Variants in F13A1 observed in about 807,000 individuals in gnomAD.
The protein encoded by F13A1 is coagulation factor XIII A chain.
Under a neutral mutation model 80.1 loss-of-function variants are expected in F13A1, and 47 were observed. The observed-to-expected ratio is 0.59, with a 90% CI of 0.46 to 0.75. The LOEUF (loss-of-function observed/expected upper bound fraction) is 0.75. Ranked by LOEUF, F13A1 falls within the 30% of genes least tolerant of loss-of-function variation. The pLI is 0.00. For missense variants in F13A1, 817 were observed against 930.4 expected, an observed-to-expected ratio of 0.88 and a Z score of 1.59; for synonymous variants, 349 against 344.9, an observed-to-expected ratio of 1.01 and a Z score of -0.13.
intron 3 of F13A1, among the ~76,000 whole-genome samples, chr6:6,271,758 G>C (rs974659679): frequency 7.9e-5 from 12 of 152,290 alleles, no homozygotes; most frequent in African/African-American, 2.9e-4. Context: ...TTCAGTGCTT[G>C]CTTCCATTTG....
In F13A1 at chr6:6,248,556, T is replaced by C. The variant is rs78737606; in HGVS notation, c.691-137A>G. The C allele has an allele frequency of 1.6e-3, 1,098 of 701,978 alleles. 10 individuals carry two copies. The African/African-American group carries it at 0.017, about 11-fold the overall frequency. 43.5% of individuals were successfully genotyped at this position (701,978 alleles called of 1,614,324 possible). A position where few individuals can be genotyped will look rare whatever the true frequency, so the allele number is the denominator to read the frequency against. On this transcript the variant is annotated intron_variant, in intron 5 of 14. Coordinates refer to ENST00000264870, the MANE Select transcript of F13A1 (RefSeq NM_000129.4). ...CTGTATAGTGATCTCCCATAATCTT[T>C]AGTATGAAATATTAAAGTAGAAGGA... is the stretch of plus-strand genomic sequence containing the variant.
At chr6:6,313,887 A>T (rs1758642355) in intron 2 of F13A1, among the ~76,000 whole-genome samples, 1 of 151,692 alleles carries the variant, frequency 6.6e-6, no homozygotes, top group Non-Finnish European at 1.5e-5. Flanking sequence ...TGAGCCCCAT[A>T]CCTCCAGGGG....
intron 3 of F13A1, among the ~76,000 whole-genome samples, chr6:6,290,526 A>G (rs1024353626): frequency 6.6e-6 from 1 of 152,198 alleles, no homozygotes; most frequent in Admixed American, 6.5e-5. Context: ...TTTTTTGACT[A>G]CGTGTCTACT....
chr6:6,258,250 C>T lies in F13A1; in HGVS notation c.572-7321G>A, dbSNP rs527893759. On this transcript the variant is annotated intron_variant, in intron 4 of 14. Coordinates refer to ENST00000264870, the MANE Select transcript of F13A1 (RefSeq NM_000129.4). Reference sequence around the variant, plus strand: ...ACTTTGAGAAATGCACGTAACATCACAGAACCTGCTTTCTCTCTTGAAATC... The same window carrying T: ...ACTTTGAGAAATGCACGTAACATCATAGAACCTGCTTTCTCTCTTGAAATC... Among the ~76,000 whole-genome samples, 7 of 152,290 alleles carry T rather than the reference C, an allele frequency of 4.6e-5. No homozygotes were observed. The South Asian group carries it at 1.2e-3, about 27-fold the overall frequency.
chr6:6,250,827 C>T lies in F13A1; in HGVS notation c.674G>A (p.Ser225Asn). 2 of 1,609,956 alleles carry T rather than the reference C, an allele frequency of 1.2e-6. No homozygotes were observed. Among genetic ancestry groups the T allele is most frequent in the South Asian group, 1.1e-5 (1 of 91,002 alleles). Residue 225 changes from serine to asparagine, a missense_variant, in exon 5 of 15, where the codon AGC becomes AAC. Physicochemically the swap from Ser to Asn is conservative, Grantham distance 46 (BLOSUM62 1). Coordinates refer to ENST00000264870, the MANE Select transcript of F13A1 (RefSeq NM_000129.4). This position sits in a 1 kb window ranked among gnomAD's most constrained non-coding sequence, Gnocchi z 4.2. The part of the protein sequence containing the change: ...YGEVNDIKTR[S>N]WSYGQFEDGI... ...GTGGCTCACCTGACCATAGCTCCAG[C>T]TTCTGGTCTTGATGTCATTGACCTC...
chr6:6,222,465 C>T (rs999712392), intron 7 of F13A1, among the ~76,000 whole-genome samples: 5 of 152,218 alleles, frequency 3.3e-5, no homozygotes, highest in East Asian at 3.9e-4. Context: ...TGATCATCAA[C>T]GTAGTATTAT....
Position 6,144,115 on chromosome 6 carries a change from A to T in F13A1, c.*1504T>A, listed in dbSNP as rs1053492582. ...CAGTTTAACTTTATTTTAAGCTTCT[A>T]TTACATTGTAATTAATAATAATATA... On this transcript the variant is annotated 3_prime_UTR_variant, in exon 15 of 15. Transcript: ENST00000264870. The T allele has an allele frequency of 6.6e-6, 1 of 152,232 alleles. No homozygotes were observed. Among genetic ancestry groups the T allele is most frequent in the Non-Finnish European group, 1.5e-5 (1 of 68,044 alleles). The allele number at this position is 152,232 out of a possible 1,614,324, so 9.4% of individuals were successfully genotyped here. A position where few individuals can be genotyped will look rare whatever the true frequency, so the allele number is the denominator to read the frequency against.
chr6:6,317,678 A>G (rs1342348350), intron 2 of F13A1, among the ~76,000 whole-genome samples: 1 of 152,196 alleles, frequency 6.6e-6, no homozygotes, highest in Non-Finnish European at 1.5e-5. Flanking sequence ...ACACAGCTCC[A>G]GCATGACCAT....
intron 6 of F13A1, among the ~76,000 whole-genome samples, chr6:6,227,266 C>T (rs1468664292): frequency 6.6e-6 from 1 of 152,212 alleles, no homozygotes; most frequent in South Asian, 2.1e-4. Context: ...TTGGTTTAGA[C>T]ATGCTATCTT....
intron 2 of F13A1, 21 bp from the exon 3 acceptor site, chr6:6,305,560 G>T (rs1052171352): frequency 1.2e-6 from 2 of 1,612,706 alleles, no homozygotes; most frequent in African/African-American, 1.3e-5. Flanking sequence ...GAAAAACAAG[G>T]GTTGAAGAAA....
At chr6:6,245,765 C>T (rs1757546693) in intron 6 of F13A1, among the ~76,000 whole-genome samples, 1 of 152,170 alleles carries the variant, frequency 6.6e-6, no homozygotes, top group African/African-American at 2.4e-5. Context: ...TCACTGTTTC[C>T]CAGCAGCAAG....
intron 2 of F13A1, among the ~76,000 whole-genome samples, chr6:6,312,122 A>G (rs1335920085): frequency 6.6e-6 from 1 of 151,356 alleles, no homozygotes; most frequent in Non-Finnish European, 1.5e-5. Context: ...AGGTCAACCA[A>G]GTATTTGGTT....
chr6:6,215,109 G>A (rs1020463551), intron 8 of F13A1, among the ~76,000 whole-genome samples: 2 of 122,306 alleles, frequency 1.6e-5, no homozygotes, highest in African/African-American at 3.0e-5. Context: ...GTACAAGGAG[G>A]AACTGGTACC....
At position 6,144,670 on chromosome 6, in the gene F13A1, C is replaced by G. The variant is rs1760245194; in HGVS notation, c.*949G>C. The G allele has an allele frequency of 6.6e-6, 1 of 152,236 alleles. No homozygotes were observed. The highest frequency in any genetic ancestry group is 1.5e-5 in the Non-Finnish European group (1 of 68,030). 9.4% of individuals were successfully genotyped at this position (152,236 alleles called of 1,614,324 possible). On this transcript the variant is annotated 3_prime_UTR_variant, in exon 15 of 15. Transcript: ENST00000264870. ...GAGAGAATCAGTGGCTGCAGTCCTT[C>G]TATATATCTGGTCACTAGATCCGCC...
At chr6:6,190,803 G>T (rs1449201713) in intron 10 of F13A1, among the ~76,000 whole-genome samples, 1 of 152,160 alleles carries the variant, frequency 6.6e-6, no homozygotes, top group African/African-American at 2.4e-5. Flanking sequence ...CTGGGCAATG[G>T]TGGGCGCCCC....
At chr6:6,238,032 A>C (rs1233306239) in intron 6 of F13A1, among the ~76,000 whole-genome samples, 1 of 152,236 alleles carries the variant, frequency 6.6e-6, no homozygotes, top group Non-Finnish European at 1.5e-5. Flanking sequence ...AAGAAGAACA[A>C]AAATGAATGA....
intron 4 of F13A1, among the ~76,000 whole-genome samples, chr6:6,260,328 C>T (rs1407145904): frequency 6.6e-6 from 1 of 152,224 alleles, no homozygotes; most frequent in Non-Finnish European, 1.5e-5. Context: ...AAGTGCTGTG[C>T]ATGCTGCTGT....
chr6:6,235,999 C>T (rs112040983), intron 6 of F13A1, among the ~76,000 whole-genome samples: 69 of 152,092 alleles, frequency 4.5e-4, no homozygotes, highest in African/African-American at 1.2e-3. Flanking sequence ...CAAAAAACAG[C>T]ATGGATGAAG....
intron 3 of F13A1, among the ~76,000 whole-genome samples, chr6:6,285,343 C>T (rs993419671): frequency 1.3e-5 from 2 of 152,250 alleles, no homozygotes; most frequent in African/African-American, 2.4e-5. Context: ...TTCTGCATCA[C>T]AAATTCACTG....
Sources: gnomAD v4.1 joint callset for allele counts (sites outside exome capture counted in the v4.1 genomes callset) on GRCh38, gnomAD v4.1.1 for gene constraint, Gnocchi (gnomAD v3.1) non-coding constraint, MANE v1.5 for transcripts, NCBI Gene and HGNC (gene_info 2026-07-23, HGNC 2026-07-21) for gene names.